The following UNC79 variants were observed in gnomAD, a reference collection of about 807,000 sequenced individuals.
UNC79 encodes the protein unc-79 subunit of NALCN channel complex.
In UNC79, 37 loss-of-function variants were observed where a neutral mutation model predicts 283.1. The observed-to-expected ratio is 0.13, with a 90% CI of 0.10 to 0.17. UNC79 has a LOEUF of 0.17. UNC79 is among the 10% of genes least tolerant of loss of function. The pLI is 1.00. For missense variants in UNC79, 2,272 were observed against 3,211.1 expected (o/e 0.71, Z 7.07); for synonymous variants, 1,107 against 1,200.2 (o/e 0.92, Z 1.61).
At chr14:93,360,427 G>T (rs757769006) in intron 1 of UNC79, among the ~76,000 whole-genome samples, 2 of 152,226 alleles carry the variant, frequency 1.3e-5, no homozygotes, top group Non-Finnish European at 2.9e-5. Context: ...AATGACCGTG[G>T]ATTATCGTAA....
chr14:93,521,725 T>G (rs544325389), intron 7 of UNC79, among the ~76,000 whole-genome samples: 1 of 150,768 alleles, frequency 6.6e-6, no homozygotes, highest in Non-Finnish European at 1.5e-5. Flanking sequence ...CTATCATAGT[T>G]GAAAGAGTAA....
intron 5 of UNC79, among the ~76,000 whole-genome samples, chr14:93,494,286 C>T (rs912867479): frequency 7.2e-5 from 11 of 152,140 alleles, no homozygotes; most frequent in African/African-American, 2.7e-4. Flanking sequence ...GAAGGACCCA[C>T]CCCCATGATC....
intron 41 of UNC79, among the ~76,000 whole-genome samples, chr14:93,674,349 G>C (rs1223347174): frequency 6.6e-6 from 1 of 152,174 alleles, no homozygotes; most frequent in African/African-American, 2.4e-5. Context: ...GGCTTAGGCA[G>C]GATGGTGGAG....
intron 24 of UNC79, among the ~76,000 whole-genome samples, chr14:93,600,135 G>A (rs1392581624): frequency 6.6e-6 from 1 of 152,178 alleles, no homozygotes; most frequent in Non-Finnish European, 1.5e-5. Context: ...GGGAGGCGGA[G>A]GTTGCAGTGA....
chr14:93,404,511 T>TATATATATAA (rs1342806157), intron 1 of UNC79, among the ~76,000 whole-genome samples: 1 of 117,196 alleles, frequency 8.5e-6, no homozygotes, highest in African/African-American at 3.1e-5. Flanking sequence ...TATATATATA[T>TATATATATAA]ATAAATATAT....
chr14:93,435,464 T>A (rs921739781), intron 1 of UNC79, among the ~76,000 whole-genome samples: 4 of 152,188 alleles, frequency 2.6e-5, no homozygotes, highest in East Asian at 3.8e-4. Context: ...CACTCTTTTT[T>A]AAAATCCCAC....
chr14:93,464,554 A>G (rs1334660893), intron 1 of UNC79: 1 of 456,188 alleles, frequency 2.2e-6, no homozygotes, highest in African/African-American at 2.0e-5. Flanking sequence ...GTTTCAACAT[A>G]TGAATTCTAA....
intron 7 of UNC79, among the ~76,000 whole-genome samples, chr14:93,510,532 T>G (rs542120989): frequency 7.2e-5 from 11 of 152,366 alleles, no homozygotes; most frequent in African/African-American, 2.6e-4. Context: ...CTTTGCTGCT[T>G]AGAAATTTCT....
Position 93,618,369 on chromosome 14 carries a change from T to C in UNC79, c.4387+15T>C. The stretch of plus-strand genomic sequence containing the variant: ...AAAAGAAAAAGGTACATATCTAAAT[T>C]CTATCCCAAACCTAGCTTCAATACA... On this transcript the variant is annotated intron_variant, in intron 29 of 48. Transcript: ENST00000555664. The C allele has an allele frequency of 6.3e-7, 1 of 1,597,748 alleles. No homozygotes were observed. Among genetic ancestry groups the C allele is most frequent in the African/African-American group, 1.3e-5 (1 of 74,378 alleles).
intron 14 of UNC79, among the ~76,000 whole-genome samples, chr14:93,562,393 G>A (rs1244120536): frequency 6.6e-6 from 1 of 152,204 alleles, no homozygotes; most frequent in African/African-American, 2.4e-5. Flanking sequence ...CTAGAGGACT[G>A]CTGTCTGGGA....
At chr14:93,639,140 A>G (rs1031377897) in intron 32 of UNC79, among the ~76,000 whole-genome samples, 1 of 152,172 alleles carries the variant, frequency 6.6e-6, no homozygotes, top group African/African-American at 2.4e-5. Flanking sequence ...TGTGATTACT[A>G]TATAATAGTA....
intron 1 of UNC79, among the ~76,000 whole-genome samples, chr14:93,405,257 T>C (rs1279839289): frequency 6.7e-6 from 1 of 150,230 alleles, no homozygotes; most frequent in Non-Finnish European, 1.5e-5. Context: ...CACTCCAGCC[T>C]GGGTGACAAG....
intron 38 of UNC79, 133 bp downstream of exon 41, chr14:93,655,540 G>A (rs2070824715): frequency 3.8e-6 from 4 of 1,056,226 alleles, no homozygotes; most frequent in African/African-American, 1.6e-5. Flanking sequence ...GCCATGGAGT[G>A]AGGATGCTTA....
chr14:93,495,069 A>G (rs1415763039), intron 5 of UNC79, among the ~76,000 whole-genome samples: 2 of 152,180 alleles, frequency 1.3e-5, no homozygotes, highest in African/African-American at 4.8e-5. Flanking sequence ...TTTTCTCTTC[A>G]TTCTTACTGT....
chr14:93,504,644 TCTAA>T (rs1204564972), intron 7 of UNC79, among the ~76,000 whole-genome samples: 4 of 152,160 alleles, frequency 2.6e-5, no homozygotes, highest in East Asian at 1.9e-4. Context: ...AATTACATTG[TCTAA>T]CTCTTTGTTG....
Position 93,499,553 on chromosome 14 carries a change from A to G in UNC79, c.898+2267A>G, listed in dbSNP as rs1486286702. On this transcript the variant is annotated intron_variant, in intron 7 of 48. Transcript: ENST00000555664. ...CATGGAAATCCATTCATTTTATTGA[A>G]CAAATAATTATGGAGTGTCTACTAT... Among the ~76,000 whole-genome samples the G allele has an allele frequency of 2.6e-5, 4 of 152,332 alleles. No homozygotes were observed. In the East Asian group the frequency reaches 7.7e-4, roughly 29 times the overall value.
intron 1 of UNC79, among the ~76,000 whole-genome samples, chr14:93,449,026 A>T (rs377272644): frequency 6.6e-6 from 1 of 152,108 alleles, no homozygotes; most frequent in Non-Finnish European, 1.5e-5. Context: ...TGAAGACCCA[A>T]CTGCCTTCCT....
At chr14:93,590,236 C>T (rs941346807) in intron 22 of UNC79, among the ~76,000 whole-genome samples, 14 of 152,194 alleles carry the variant, frequency 9.2e-5, no homozygotes, top group South Asian at 6.2e-4. Flanking sequence ...CATGAATTTT[C>T]GGGGAGCACT....
In UNC79 at chr14:93,520,868, T is replaced by A. The variant is rs542514627; in HGVS notation, c.899-3110T>A. Among the ~76,000 whole-genome samples, 21 of 152,204 alleles carry A rather than the reference T, an allele frequency of 1.4e-4. No homozygotes were observed. In the East Asian group the frequency reaches 2.7e-3, roughly 20 times the overall value. ...AAGTTCTTCTTTGCCAACTACTTCATCTCCACAGTTTCTGGGTTTGTTTCT... is the reference window on the plus strand; with the variant it reads ...AAGTTCTTCTTTGCCAACTACTTCAACTCCACAGTTTCTGGGTTTGTTTCT... On this transcript the variant is annotated intron_variant, in intron 7 of 48. Transcript: ENST00000555664.
Sources: gnomAD v4.1 joint callset for allele counts (sites outside exome capture counted in the v4.1 genomes callset) on GRCh38, gnomAD v4.1.1 for gene constraint, MANE v1.5 for transcripts, NCBI Gene and HGNC (gene_info 2026-07-23, HGNC 2026-07-21) for gene names.